Variants in VSIG4 observed in about 807,000 individuals in gnomAD.
The protein encoded by VSIG4 is V-set and immunoglobulin domain containing 4, also known as V-set and immunoglobulin domain-containing protein 4.
A neutral mutation model predicts 23.4 loss-of-function variants in VSIG4; 34 were observed. That is an observed-to-expected ratio of 1.45 (90% confidence interval 1.10 to 1.93). VSIG4 has a LOEUF of 1.93. Among genes scored for constraint, VSIG4 ranks in the 30% most tolerant of loss-of-function variants. The probability of loss-of-function intolerance (pLI) is 0.00; values close to 1 mark genes in which losing one functional copy is unlikely to be tolerated. For missense variants in VSIG4, 433 were observed against 310.8 expected, an observed-to-expected ratio of 1.39 and a Z score of -2.96; for synonymous variants, 169 against 120.3, an observed-to-expected ratio of 1.41 and a Z score of -2.65.
In VSIG4 at chrX:66,028,071, T is replaced by G. The variant is rs200800442; in HGVS notation, c.736A>C (p.Thr246Pro). Residue 246 changes from threonine to proline, a missense_variant, in exon 4 of 8, where the codon ACC (threonine) becomes CCC (proline). Thr to Pro is a conservative substitution (Grantham distance 38). Coordinates refer to ENST00000374737, the MANE Select transcript of VSIG4 (RefSeq NM_007268.3). ...LLKTKTEAPTTMTYPLKATST... is the reference protein window; with the variant it reads ...LLKTKTEAPTPMTYPLKATST... ...TCACCTTTCAAGGGGTATGTCATGG[T>G]TGTAGGTGCCTCAGTCTTGGTCTTG... 10 of 1,209,091 alleles carry G rather than the reference T, an allele frequency of 8.3e-6. No individual in the cohort carries two copies. In the South Asian group the frequency reaches 1.8e-4, roughly 21 times the overall value.
intron 1 of VSIG4, among the ~76,000 whole-genome samples, chrX:66,036,973 AATATAATATATC>A (rs1363712085): frequency 8.3e-5 from 2 of 24,159 alleles, no homozygotes; most frequent in East Asian, 1.3e-3. Flanking sequence ...TATAATATAT[AATATAATATATC>A]ATATAATATA....
intron 1 of VSIG4, among the ~76,000 whole-genome samples, chrX:66,036,903 AATATATTATATGATATATTATATTATATG>A (rs2085571560): frequency 1.8e-4 from 6 of 33,150 alleles, no homozygotes; most frequent in Non-Finnish European, 2.6e-4. Context: ...TTTATTATAT[AATATATTATATGATATATTATATTATATG>A]ATATATTATA....
At chrX:66,034,790 T>A in intron 1 of VSIG4, among the ~76,000 whole-genome samples, 2 of 93,596 alleles carry the variant, frequency 2.1e-5, no homozygotes, top group Admixed American at 1.3e-4. Flanking sequence ...GGGAAGGAGG[T>A]GGGGATGTTG....
At chrX:66,023,007 G>T in intron 6 of VSIG4, 145 bp from the exon 7 acceptor site, 2 of 603,876 alleles carry the variant, frequency 3.3e-6, no homozygotes, top group Non-Finnish European at 5.1e-6. Flanking sequence ...CAACTGGGAG[G>T]TATTGGGGAG....
intron 2 of VSIG4, 150 bp downstream of exon 2, chrX:66,033,324 C>G (rs954418772): frequency 1.9e-6 from 1 of 526,571 alleles, no homozygotes; most frequent in Non-Finnish European, 3.1e-6. Flanking sequence ...CCTAAGAATC[C>G]TCTGCCTGTC....
In VSIG4 at chrX:66,025,097, T is replaced by C; in HGVS notation, c.868A>G (p.Ile290Val). 4 of 1,203,276 alleles carry C rather than the reference T, an allele frequency of 3.3e-6. No individual in the cohort carries two copies. Among genetic ancestry groups the C allele is most frequent in the Non-Finnish European group, 4.5e-6 (4 of 891,308 alleles). ...KSLPVFAIIL[I>V]ISLCCMVVFT... ...ACCACCATACAGCACAAGGAGATGATGAGGATGATGGCAAAGACAGGCAGG... is the reference window on the plus strand; with the variant it reads ...ACCACCATACAGCACAAGGAGATGACGAGGATGATGGCAAAGACAGGCAGG... Residue 290 changes from isoleucine (I) to valine (V), a missense_variant, in exon 6 of 8, where the codon ATC becomes GTC. By Grantham distance (29) the Ile-to-Val change is conservative (BLOSUM62 3). Coordinates refer to ENST00000374737, the MANE Select transcript of VSIG4 (RefSeq NM_007268.3).
chrX:66,027,581 A>G, intron 4 of VSIG4, 55 bp from the exon 5 acceptor site: 1 of 995,911 alleles, frequency 1.0e-6, no homozygotes, highest in Non-Finnish European at 1.4e-6. Context: ...AAAAGTTGAG[A>G]GATAGGAGAT....
Position 66,032,715 on chromosome X carries a change from G to A in VSIG4, c.447C>T (p.Ser149=), listed in dbSNP as rs187585226. The stretch of plus-strand genomic sequence containing the variant: ...CCTGGGGCACCGTGAAGCCATAACC[G>A]CTGCCAGTTGTCACTGTGGGCTTGG... ...SVSKPTVTTG[S]GYGFTVPQGM... is the part of the protein sequence containing the mutation. Residue 149 remains serine, a synonymous_variant, in exon 3 of 8, where the codon AGC becomes AGT. Coordinates refer to ENST00000374737, the MANE Select transcript of VSIG4 (RefSeq NM_007268.3). 5.5e-5 allele frequency: 67 copies of A among 1,209,320 alleles called. No homozygotes were observed. Among genetic ancestry groups the A allele is most frequent in the Middle Eastern group, 2.3e-4 (1 of 4,341 alleles).
chrX:66,033,874 A>G, intron 1 of VSIG4, 44 bp from the exon 2 acceptor site: 1 of 1,058,368 alleles, frequency 9.4e-7, no homozygotes, highest in Non-Finnish European at 1.3e-6. Flanking sequence ...TAGATGGCAT[A>G]CCTACTTGGC....
At chrX:66,036,660 T>TAA (rs2085546313) in intron 1 of VSIG4, among the ~76,000 whole-genome samples, 1 of 68,995 alleles carries the variant, frequency 1.4e-5, no homozygotes, top group African/African-American at 5.8e-5. Context: ...ATATAATATA[T>TAA]AATATAATAT....
intron 5 of VSIG4, among the ~76,000 whole-genome samples, 194 bp from the exon 6 acceptor site, chrX:66,025,323 C>CTA (rs1201058867): frequency 8.9e-6 from 1 of 112,141 alleles, no homozygotes; most frequent in Non-Finnish European, 1.9e-5. Context: ...CATGTGTAAA[C>CTA]AGGTTCTTCC....
chrX:66,039,928 C>T lies in VSIG4; in HGVS notation c.55+16G>A, dbSNP rs755766545. 3.3e-6 allele frequency: 4 copies of T among 1,208,398 alleles called. No individual in the cohort carries two copies. Among genetic ancestry groups the T allele is most frequent in the Non-Finnish European group, 4.5e-6 (4 of 894,017 alleles). ...CTAAGCCAGCAATGGCAGCCAGGCCCCCCTTTCTGCCTTACCATAAGTGTC... is the reference window on the plus strand; with the variant it reads ...CTAAGCCAGCAATGGCAGCCAGGCCTCCCTTTCTGCCTTACCATAAGTGTC... On this transcript the variant is annotated intron_variant, in intron 1 of 7. Transcript: ENST00000374737.
Position 66,022,492 on chromosome X carries a change from G to T in VSIG4, c.971C>A (p.Ala324Asp), listed in dbSNP as rs753694139. The T allele has an allele frequency of 8.3e-7, 1 of 1,211,401 alleles. No homozygotes were observed. The highest frequency in any genetic ancestry group is 1.8e-5 in the South Asian group (1 of 56,952). ...EHVYEAARAH[A>D]REANDSGETM... ...TTCTCCAGAGTCGTTGGCCTCTCTG[G>T]CATGTGCCCTATGGCCCAAGAGCCC... Residue 324 changes from alanine (A) to aspartate (D), a missense_variant, in exon 8 of 8, where the codon GCC becomes GAC. Transcript: ENST00000374737.
At chrX:66,038,840 T>G (rs1213592544) in intron 1 of VSIG4, among the ~76,000 whole-genome samples, 1 of 111,024 alleles carries the variant, frequency 9.0e-6, no homozygotes, top group Non-Finnish European at 1.9e-5. Flanking sequence ...CTAATCAGAG[T>G]CAGCTACGGA....
chrX:66,037,396 G>A (rs188445326), intron 1 of VSIG4, among the ~76,000 whole-genome samples: 2,937 of 10,577 alleles, frequency 0.28, 615 homozygotes, highest in African/African-American at 0.74. Context: ...TATATATTAT[G>A]TAATAATATT....
chrX:66,021,934 T>C lies in VSIG4; in HGVS notation c.*329A>G, dbSNP rs369519908. Reference sequence around the variant, plus strand: ...AGAGCTGAGCCTCCCTCGGGTCTTCTGGTGGCAAGATGCCAAAGTTGAATA... The same window carrying C: ...AGAGCTGAGCCTCCCTCGGGTCTTCCGGTGGCAAGATGCCAAAGTTGAATA... On this transcript the variant is annotated 3_prime_UTR_variant, in exon 8 of 8. Transcript: ENST00000374737. The C allele has an allele frequency of 6.3e-6, 4 of 639,259 alleles. No homozygotes were observed. The African/African-American group carries it at 6.7e-5, about 11-fold the overall frequency. The allele number at this position is 639,259 out of a possible 1,213,427, so 52.7% of individuals were successfully genotyped here. A position where few individuals can be genotyped will look rare whatever the true frequency, so the allele number is the denominator to read the frequency against.
chrX:66,027,196 A>G (rs1443391949), intron 5 of VSIG4, among the ~76,000 whole-genome samples: 2 of 111,773 alleles, frequency 1.8e-5, no homozygotes, highest in Non-Finnish European at 1.9e-5. Flanking sequence ...TACTATGACA[A>G]CAGAGAACTA....
intron 6 of VSIG4, among the ~76,000 whole-genome samples, chrX:66,023,351 C>T (rs972253692): frequency 2.7e-5 from 3 of 111,815 alleles, no homozygotes; most frequent in African/African-American, 6.5e-5. Flanking sequence ...GTTACCATTG[C>T]CCCCTAGTGT....
At chrX:66,035,629 G>A (rs1346959125) in intron 1 of VSIG4, among the ~76,000 whole-genome samples, 2 of 112,095 alleles carry the variant, frequency 1.8e-5, no homozygotes, top group Non-Finnish European at 3.8e-5. Flanking sequence ...ACCTCCATGT[G>A]ATTGCAGATA....
Sources: gnomAD v4.1 joint callset for allele counts (sites outside exome capture counted in the v4.1 genomes callset) on GRCh38, gnomAD v4.1.1 for gene constraint, MANE v1.5 for transcripts, NCBI Gene and HGNC (gene_info 2026-07-23, HGNC 2026-07-21) for gene names.